Variants in CCDC62 observed in about 807,000 individuals in gnomAD.
CCDC62 encodes coiled-coil domain containing 62, also known as coiled-coil domain-containing protein 62.
CCDC62 carries 72 observed loss-of-function variants against 80.8 expected under a neutral mutation model. The ratio of observed to expected loss-of-function variants is 0.89; its 90% CI spans 0.74 to 1.08. CCDC62 has a LOEUF of 1.08. CCDC62 is among the 50% of genes least tolerant of loss of function. CCDC62 has a pLI of 0.00. For missense variants in CCDC62, 704 were observed against 809.4 expected (o/e 0.87, Z 1.58); for synonymous variants, 286 against 296.5 (o/e 0.96, Z 0.36).
At position 122,774,675 on chromosome 12, in the gene CCDC62, ACCC is replaced by A; in HGVS notation, c.6_8del (p.Pro4del). ...CCGGGGGCGGAGGAAACACCTATGA[ACCC>A]TCCGGCAGCCTTCCTTGCCGGGCGC... On this transcript the variant is annotated inframe_deletion, in exon 1 of 13. Transcript: ENST00000253079. 1 of 1,253,782 alleles carries A rather than the reference ACCC, an allele frequency of 8.0e-7. No homozygotes were observed. Among genetic ancestry groups the A allele is most frequent in the Non-Finnish European group, 1.0e-6 (1 of 990,632 alleles). The allele number at this position is 1,253,782 out of a possible 1,614,324, so 77.7% of individuals were successfully genotyped here. A position where few individuals can be genotyped will look rare whatever the true frequency, so the allele number is the denominator to read the frequency against.
intron 6 of CCDC62, among the ~76,000 whole-genome samples, chr12:122,796,372 G>A (rs546938329): frequency 1.3e-5 from 2 of 151,872 alleles, no homozygotes; most frequent in Admixed American, 1.3e-4. Context: ...TCAAACTCCT[G>A]GGCTCAAGCA....
At chr12:122,810,555 C>CTTTTACCCT (rs1555257574) in intron 10 of CCDC62, among the ~76,000 whole-genome samples, 1 of 151,310 alleles carries the variant, frequency 6.6e-6, no homozygotes, top group Non-Finnish European at 1.5e-5. Flanking sequence ...AATAGAAACA[C>CTTTTACCCT]TTTTACACTG....
chr12:122,826,745 TAGAG>T lies in CCDC62; in HGVS notation c.*366_*369del. 1 of 183,106 alleles carries T rather than the reference TAGAG, an allele frequency of 5.5e-6. No individual in the cohort carries two copies. 11.3% of individuals were successfully genotyped at this position (183,106 alleles called of 1,614,324 possible). A position where few individuals can be genotyped will look rare whatever the true frequency, so the allele number is the denominator to read the frequency against. The stretch of plus-strand genomic sequence containing the variant: ...GCTCTTTAAAAATGTGAATGTCAAA[TAGAG>T]AAAGAACCCTGCATAGAAAGTGCTG... On this transcript the variant is annotated 3_prime_UTR_variant, in exon 13 of 13. Transcript: ENST00000253079.
rs751983214 is a variant in CCDC62 at position 122,796,874 on chromosome 12, C to CTTTTTT, written c.773-431_773-430insTTTTTT. ...TAATCCCTGAATCTACAAATCACTT[C>CTTTTTT]TTCTTTTTTTTTTTTTTTTTTTAAG... On this transcript the variant is annotated intron_variant, in intron 6 of 12. Coordinates refer to ENST00000253079, the MANE Select transcript of CCDC62 (RefSeq NM_201435.5). 4.1e-5 allele frequency among the ~76,000 whole-genome samples: 6 copies of CTTTTTT among 145,542 alleles called. 3 individuals carry two copies. The highest frequency in any genetic ancestry group is 3.0e-5 in the Non-Finnish European group (2 of 66,860).
chr12:122,781,626 G>A (rs1289282246), intron 3 of CCDC62, among the ~76,000 whole-genome samples: 2 of 151,594 alleles, frequency 1.3e-5, no homozygotes, highest in Admixed American at 6.6e-5. Flanking sequence ...TGGAGGTTGC[G>A]GTGAGCCAAG....
At chr12:122,799,036 C>T (rs553323556) in intron 8 of CCDC62, among the ~76,000 whole-genome samples, 4 of 152,126 alleles carry the variant, frequency 2.6e-5, no homozygotes, top group South Asian at 2.1e-4. Flanking sequence ...GCTGAGATTG[C>T]GCCACTGCAC....
At chr12:122,782,056 C>G (rs950384250) in intron 3 of CCDC62, among the ~76,000 whole-genome samples, 10 of 150,970 alleles carry the variant, frequency 6.6e-5, no homozygotes, top group African/African-American at 2.4e-4. Flanking sequence ...GTATGTAAGC[C>G]AAGCACAGTG....
rs894552745 is a variant in CCDC62, at chr12:122,827,095, C to G, written c.*714C>G. The stretch of plus-strand genomic sequence containing the variant: ...AAAAATCTTAAAGACTAAAACACTT[C>G]CATTTTAACTTGTAAAGTAATTTAA... On this transcript the variant is annotated 3_prime_UTR_variant, in exon 13 of 13. Transcript: ENST00000253079. 3 of 152,160 alleles carry G rather than the reference C, an allele frequency of 2.0e-5. No individual in the cohort carries two copies. The highest frequency in any genetic ancestry group is 4.4e-5 in the Non-Finnish European group (3 of 68,040). 9.4% of individuals were successfully genotyped at this position (152,160 alleles called of 1,614,324 possible).
intron 2 of CCDC62, 112 bp downstream of exon 2, chr12:122,777,795 GT>G: frequency 1.0e-6 from 1 of 993,286 alleles, no homozygotes; most frequent in Non-Finnish European, 1.5e-6. Flanking sequence ...TTGTCCTCAA[GT>G]TTAGGCTCAT....
chr12:122,812,777 G>GAGAGAGAAAGAAAGAAAGAA (rs750420995), intron 10 of CCDC62, among the ~76,000 whole-genome samples: 4 of 57,778 alleles, frequency 6.9e-5, no homozygotes, highest in African/African-American at 2.3e-4. Context: ...GAGAGAGAGA[G>GAGAGAGAAAGAAAGAAAGAA]AGAAAGAAAG....
At chr12:122,820,466 G>C (rs996852222) in intron 11 of CCDC62, among the ~76,000 whole-genome samples, 2 of 152,124 alleles carry the variant, frequency 1.3e-5, no homozygotes, top group African/African-American at 4.8e-5. Flanking sequence ...GTTACCTGTC[G>C]GGGCTCTTGG....
At chr12:122,792,958 G>T (rs191845186) in intron 6 of CCDC62, among the ~76,000 whole-genome samples, 2 of 152,182 alleles carry the variant, frequency 1.3e-5, no homozygotes, top group Non-Finnish European at 2.9e-5. Flanking sequence ...GTGTGACTCT[G>T]CTTCTTACTA....
At chr12:122,777,035 A>C (rs1056977462) in intron 1 of CCDC62, 1 of 155,184 alleles carries the variant, frequency 6.4e-6, no homozygotes, top group Non-Finnish European at 1.4e-5. Flanking sequence ...ACCTCAGGTG[A>C]TCGGCCCACC....
At chr12:122,800,339 C>T (rs753365505) in intron 8 of CCDC62, among the ~76,000 whole-genome samples, 1 of 151,456 alleles carries the variant, frequency 6.6e-6, no homozygotes, top group South Asian at 2.1e-4. Context: ...GCAGTGCTTT[C>T]GGAAGCTAAG....
At chr12:122,800,761 A>G (rs2031254726) in intron 8 of CCDC62, among the ~76,000 whole-genome samples, 1 of 75,980 alleles carries the variant, frequency 1.3e-5, no homozygotes, top group Non-Finnish European at 3.4e-5. Flanking sequence ...AAAATAGTTT[A>G]TAGCATTATG....
At position 122,801,196 on chromosome 12, in the gene CCDC62, G is replaced by A. The variant is rs771715795; in HGVS notation, c.1050G>A (p.Lys350=). The A allele has an allele frequency of 3.7e-6, 6 of 1,613,976 alleles. No individual in the cohort carries two copies. Among genetic ancestry groups the A allele is most frequent in the Non-Finnish European group, 5.1e-6 (6 of 1,179,980 alleles). The part of the protein sequence containing the change: ...KVDIKREKNQ[K]SLFKDQKFEA... ...ATATTAAGAGGGAAAAAAATCAGAA[G>A]TCACTGTTTAAGGACCAGAAATTTG... Residue 350 remains lysine (K), a synonymous_variant, in exon 9 of 13, where the codon AAG becomes AAA. Transcript: ENST00000253079.
intron 11 of CCDC62, among the ~76,000 whole-genome samples, chr12:122,819,257 T>C (rs2032304516): frequency 6.6e-6 from 1 of 152,208 alleles, no homozygotes; most frequent in Non-Finnish European, 1.5e-5. Context: ...AAATTCTTAA[T>C]TTCTGCAATA....
intron 8 of CCDC62, among the ~76,000 whole-genome samples, chr12:122,799,866 T>G (rs987432446): frequency 1.1e-4 from 16 of 152,164 alleles, no homozygotes; most frequent in Non-Finnish European, 2.1e-4. Flanking sequence ...TTGCTTCACT[T>G]TCCTTTGGGG....
At chr12:122,776,438 A>G (rs182274105) in intron 1 of CCDC62, 23 of 152,364 alleles carry the variant, frequency 1.5e-4, no homozygotes, top group Admixed American at 5.9e-4. Context: ...ATTCTGAAGT[A>G]TGTAAGGGTG....
Sources: gnomAD v4.1 joint callset for allele counts (sites outside exome capture counted in the v4.1 genomes callset) on GRCh38, gnomAD v4.1.1 for gene constraint, MANE v1.5 for transcripts, NCBI Gene and HGNC (gene_info 2026-07-23, HGNC 2026-07-21) for gene names.